The following CDK14 variants were observed in gnomAD, a reference collection of about 807,000 sequenced individuals.
The protein encoded by CDK14 is cyclin-dependent kinase 14.
A neutral mutation model predicts 60.7 loss-of-function variants in CDK14; 34 were observed. The ratio of observed to expected loss-of-function variants is 0.56; its 90% CI spans 0.43 to 0.75. The LOEUF is 0.75. Ranked by LOEUF, CDK14 falls within the 30% of genes least tolerant of loss-of-function variation. The pLI is 0.00. For synonymous variants in CDK14, 197 were observed against 203.7 expected, an observed-to-expected ratio of 0.97 and a Z score of 0.28; for missense variants, 482 against 564.1, an observed-to-expected ratio of 0.85 and a Z score of 1.47.
intron 14 of CDK14, among the ~76,000 whole-genome samples, chr7:91,118,467 A>G (rs1455955351): frequency 6.6e-6 from 1 of 152,216 alleles, no homozygotes; most frequent in African/African-American, 2.4e-5. Flanking sequence ...TAAGCAAGTC[A>G]TCTTAACTAC....
Position 90,965,390 on chromosome 7 carries a change from A to G in CDK14, c.947+9573A>G, listed in dbSNP as rs117259848. Among the ~76,000 whole-genome samples, 628 of 152,290 alleles carry G rather than the reference A, an allele frequency of 4.1e-3. 8 individuals carry two copies. Among genetic ancestry groups the G allele is most frequent in the East Asian group, 0.025 (128 of 5,166 alleles). ...GTATACTTTTCCCTAATTCTTCTGC[A>G]TGTTAGACCATGTTTCTGGAAATGA... On this transcript the variant is annotated intron_variant, in intron 9 of 14. Transcript: ENST00000380050.
At chr7:90,670,904 TC>T (rs1292583485) in intron 2 of CDK14, among the ~76,000 whole-genome samples, 2 of 152,140 alleles carry the variant, frequency 1.3e-5, no homozygotes, top group Non-Finnish European at 2.9e-5. Context: ...AGTCATCCCT[TC>T]TTAATAGTCC....
rs79370819 is a variant in CDK14, at chr7:90,721,029, G to A, written c.124-5538G>A. On this transcript the variant is annotated intron_variant, in intron 2 of 14. Coordinates refer to ENST00000380050, the MANE Select transcript of CDK14 (RefSeq NM_001287135.2). ...CTTTAAAAAAATGCTTTCCACACTG[G>A]TTCACATAGGTTTTCTTTTTAATCT... Among the ~76,000 whole-genome samples the A allele has an allele frequency of 4.1e-3, 622 of 152,204 alleles. 10 individuals carry two copies. Among genetic ancestry groups the A allele is most frequent in the African/African-American group, 0.014 (597 of 41,522 alleles).
intron 8 of CDK14, among the ~76,000 whole-genome samples, chr7:90,933,876 G>A (rs905439243): frequency 6.6e-6 from 1 of 152,238 alleles, no homozygotes; most frequent in Admixed American, 6.5e-5. Context: ...AAGCTGGAGA[G>A]TAGATTGTCA....
intron 5 of CDK14, among the ~76,000 whole-genome samples, chr7:90,820,485 A>G (rs1789506771): frequency 6.6e-6 from 1 of 152,128 alleles, no homozygotes; most frequent in East Asian, 1.9e-4. Flanking sequence ...TTTAAAAGTG[A>G]CATTTCCCTG....
chr7:91,175,088 A>T (rs1801680192), intron 14 of CDK14, among the ~76,000 whole-genome samples: 1 of 147,610 alleles, frequency 6.8e-6, no homozygotes, highest in Admixed American at 6.7e-5. Context: ...AGGGAAGCCC[A>T]TCAGACTAAC....
chr7:91,116,972 A>G (rs1799627350), intron 13 of CDK14, among the ~76,000 whole-genome samples: 1 of 151,180 alleles, frequency 6.6e-6, no homozygotes, highest in African/African-American at 2.4e-5. Context: ...ATCCCATCTC[A>G]TGATTTAAAT....
At chr7:91,034,272 A>C (rs1796848207) in intron 10 of CDK14, among the ~76,000 whole-genome samples, 1 of 152,182 alleles carries the variant, frequency 6.6e-6, no homozygotes, top group Non-Finnish European at 1.5e-5. Context: ...ATCACTGAGG[A>C]GGTTTAGAAA....
intron 8 of CDK14, among the ~76,000 whole-genome samples, chr7:90,953,838 A>G (rs189179817): frequency 6.6e-6 from 1 of 152,320 alleles, no homozygotes; most frequent in East Asian, 1.9e-4. Context: ...ATATGGAACC[A>G]TAGGCATTTG....
At chr7:90,859,170 A>G (rs1184739635) in intron 5 of CDK14, among the ~76,000 whole-genome samples, 1 of 152,240 alleles carries the variant, frequency 6.6e-6, no homozygotes, top group Admixed American at 6.5e-5. Flanking sequence ...CTCCAGATTC[A>G]GTTCCGGAGG....
chr7:91,175,404 C>T (rs1053978335), intron 14 of CDK14, among the ~76,000 whole-genome samples: 5 of 151,496 alleles, frequency 3.3e-5, no homozygotes, highest in African/African-American at 1.2e-4. Context: ...CATCAACTAA[C>T]GAGCAAAATA....
intron 2 of CDK14, among the ~76,000 whole-genome samples, chr7:90,725,131 A>T (rs908951581): frequency 1.3e-5 from 2 of 152,178 alleles, no homozygotes; most frequent in Non-Finnish European, 2.9e-5. Context: ...CAAAAACTTG[A>T]AATGGCTTAT....
intron 10 of CDK14, among the ~76,000 whole-genome samples, chr7:91,028,464 C>T (rs192495875): frequency 6.6e-5 from 10 of 152,232 alleles, no homozygotes; most frequent in African/African-American, 1.4e-4. Flanking sequence ...ATTACTGGAT[C>T]GAATGGTAGA....
chr7:90,684,794 CATCCATTCATTT>C (rs1244506210), intron 2 of CDK14, among the ~76,000 whole-genome samples: 2 of 152,132 alleles, frequency 1.3e-5, no homozygotes, highest in Non-Finnish European at 2.9e-5. Context: ...TCCATCCATC[CATCCATTCATTT>C]ATCCATCTAC....
At chr7:90,941,122 C>A (rs574560009) in intron 8 of CDK14, among the ~76,000 whole-genome samples, 17 of 152,114 alleles carry the variant, frequency 1.1e-4, no homozygotes, top group Non-Finnish European at 2.1e-4. Context: ...AGGAAGTCCA[C>A]AACAGGGAAA....
chr7:90,867,666 T>G (rs1791232081), intron 6 of CDK14, among the ~76,000 whole-genome samples: 1 of 151,946 alleles, frequency 6.6e-6, no homozygotes, highest in South Asian at 2.1e-4. Flanking sequence ...AAGTTTCAGG[T>G]TTTTTTTGGA....
At chr7:91,191,428 T>A (rs1353635572) in intron 14 of CDK14, among the ~76,000 whole-genome samples, 1 of 152,166 alleles carries the variant, frequency 6.6e-6, no homozygotes, top group African/African-American at 2.4e-5. Context: ...AAGTCCAGTG[T>A]TTTTGTTAAA....
At chr7:90,661,805 C>G (rs1286084910) in intron 2 of CDK14, among the ~76,000 whole-genome samples, 2 of 152,142 alleles carry the variant, frequency 1.3e-5, no homozygotes, top group African/African-American at 4.8e-5. Flanking sequence ...TGTATTGAGG[C>G]TTGTGTGCAA....
chr7:90,750,545 G>A (rs1450093176), intron 4 of CDK14, among the ~76,000 whole-genome samples: 1 of 152,292 alleles, frequency 6.6e-6, no homozygotes, highest in Non-Finnish European at 1.5e-5. Context: ...ATCAGTCAGC[G>A]TTTCTAGAAT....
Sources: allele counts gnomAD v4.1 joint callset (sites outside exome capture counted in the v4.1 genomes callset), GRCh38; gene constraint gnomAD v4.1.1; transcripts MANE v1.5; gene names NCBI Gene and HGNC (gene_info 2026-07-23, HGNC 2026-07-21).